Variants in RBFOX1 observed in about 807,000 individuals in gnomAD.
RBFOX1 encodes the protein RNA binding fox-1 homolog 1, also known as RNA binding protein fox-1 homolog 1.
A neutral mutation model predicts 57.7 loss-of-function variants in RBFOX1; 8 were observed. That is an observed-to-expected ratio of 0.14 (90% CI 0.08 to 0.25). RBFOX1 has a LOEUF of 0.25. Among genes scored for constraint, RBFOX1 ranks in the 10% least tolerant of loss-of-function variants. RBFOX1 has a pLI of 1.00. For synonymous variants in RBFOX1, 326 were observed against 222.4 expected, an observed-to-expected ratio of 1.47 and a Z score of -4.15; for missense variants, 611 against 548.5, an observed-to-expected ratio of 1.11 and a Z score of -1.14.
intron 3 of RBFOX1, among the ~76,000 whole-genome samples, chr16:6,946,501 T>G (rs1337868558): frequency 6.6e-6 from 1 of 152,172 alleles, no homozygotes; most frequent in Non-Finnish European, 1.5e-5. Context: ...TTCTCCTCCT[T>G]GTTTTACATC....
At chr16:5,848,668 A>C (rs1287795855) in intron 3 of RBFOX1, among the ~76,000 whole-genome samples, 1 of 152,174 alleles carries the variant, frequency 6.6e-6, no homozygotes, top group Non-Finnish European at 1.5e-5. Flanking sequence ...CAGCTTATTA[A>C]ATAAGCAGGG....
At chr16:6,638,241 C>G (rs1411037706) in intron 2 of RBFOX1, among the ~76,000 whole-genome samples, 1 of 152,078 alleles carries the variant, frequency 6.6e-6, no homozygotes, top group African/African-American at 2.4e-5. Flanking sequence ...AAAAACCAGA[C>G]AAATGTAATT....
intron 2 of RBFOX1, among the ~76,000 whole-genome samples, chr16:5,489,472 A>T (rs760147641): frequency 2.4e-4 from 36 of 152,334 alleles, no homozygotes; most frequent in Non-Finnish European, 5.0e-4. Context: ...AAGTTCATCT[A>T]TTAGCCCTTC....
chr16:6,797,751 A>T (rs757920667), intron 3 of RBFOX1, among the ~76,000 whole-genome samples: 1 of 152,146 alleles, frequency 6.6e-6, no homozygotes, highest in Non-Finnish European at 1.5e-5. Context: ...CTTGGGGTCC[A>T]TTATACCTGG....
intron 1 of RBFOX1, among the ~76,000 whole-genome samples, chr16:5,286,908 C>T (rs923895940): frequency 6.6e-6 from 1 of 152,176 alleles, no homozygotes; most frequent in African/African-American, 2.4e-5. Context: ...CTATAGTTTG[C>T]CAACCCTGTT....
At chr16:5,612,496 C>G (rs1322326188) in intron 3 of RBFOX1, among the ~76,000 whole-genome samples, 1 of 152,352 alleles carries the variant, frequency 6.6e-6, no homozygotes, top group Admixed American at 6.5e-5. Flanking sequence ...AAAAGTATAT[C>G]TACAAATGAA....
chr16:6,942,350 T>C (rs9923573), intron 3 of RBFOX1, among the ~76,000 whole-genome samples: 1 of 151,948 alleles, frequency 6.6e-6, no homozygotes, highest in Non-Finnish European at 1.5e-5. Flanking sequence ...TGATTTTTTT[T>C]TGTGACATTT....
At chr16:7,504,722 T>A in intron 4 of RBFOX1, among the ~76,000 whole-genome samples, 1 of 5,414 alleles carries the variant, frequency 1.8e-4, no homozygotes, top group East Asian at 2.5e-3. Context: ...TATATATATA[T>A]ATATATATAT....
chr16:6,518,799 CT>C (rs2096440184), intron 2 of RBFOX1, among the ~76,000 whole-genome samples: 1 of 67,542 alleles, frequency 1.5e-5, no homozygotes, highest in Non-Finnish European at 3.0e-5. Flanking sequence ...GTGTGTCTGT[CT>C]ATCTATCTAT....
chr16:5,677,873 A>G (rs1408219144), intron 3 of RBFOX1, among the ~76,000 whole-genome samples: 10 of 152,160 alleles, frequency 6.6e-5, no homozygotes. Flanking sequence ...AGGGGTGCAA[A>G]GAGAGATGAA....
chr16:5,646,387 C>A (rs114145987), intron 3 of RBFOX1, among the ~76,000 whole-genome samples: 5,851 of 152,096 alleles, frequency 0.038, 377 homozygotes, highest in African/African-American at 0.13. Flanking sequence ...AGTCCTCCTA[C>A]CTCGGCCTCC....
intron 3 of RBFOX1, among the ~76,000 whole-genome samples, chr16:5,717,214 TATG>T (rs1049176621): frequency 2.6e-5 from 4 of 152,164 alleles, no homozygotes; most frequent in African/African-American, 9.7e-5. Context: ...AATTTCTTAT[TATG>T]GTTGTTTTCA....
At chr16:6,735,551 C>T (rs2069976928) in intron 3 of RBFOX1, among the ~76,000 whole-genome samples, 1 of 152,290 alleles carries the variant, frequency 6.6e-6, no homozygotes, top group African/African-American at 2.4e-5. Context: ...TTAACTATTT[C>T]TCGTCCCCAT....
At chr16:7,313,708 C>T (rs1409055082) in intron 4 of RBFOX1, among the ~76,000 whole-genome samples, 1 of 62,250 alleles carries the variant, frequency 1.6e-5, no homozygotes, top group Admixed American at 2.0e-4. Context: ...ATTTAATCCC[C>T]CACAAAAAAA....
intron 4 of RBFOX1, among the ~76,000 whole-genome samples, chr16:5,877,893 C>T (rs140239056): frequency 3.4e-4 from 51 of 152,214 alleles, no homozygotes; most frequent in African/African-American, 1.2e-3. Flanking sequence ...CTCTGGTGGG[C>T]GTGTCTTATG....
At chr16:5,858,508 T>A (rs901956503) in intron 3 of RBFOX1, among the ~76,000 whole-genome samples, 4 of 152,180 alleles carry the variant, frequency 2.6e-5, no homozygotes, top group African/African-American at 9.6e-5. Flanking sequence ...TGACTTTTTC[T>A]TTCCTCTCTT....
intron 3 of RBFOX1, among the ~76,000 whole-genome samples, chr16:6,820,777 T>G (rs7192093): frequency 6.6e-6 from 1 of 152,212 alleles, no homozygotes; most frequent in East Asian, 1.9e-4. Flanking sequence ...CAGAGACTTA[T>G]TACTGCAAAA....
intron 14 of RBFOX1, among the ~76,000 whole-genome samples, chr16:7,688,722 C>CTCT (rs1368240190): frequency 6.6e-5 from 10 of 152,050 alleles, no homozygotes; most frequent in African/African-American, 2.4e-4. Flanking sequence ...TCTATAAAAC[C>CTCT]ATCTTAAAAG....
downstream of RBFOX1, chr16:5,601,694 C>T (rs2047370166): frequency 6.6e-6 from 1 of 152,206 alleles, no homozygotes; most frequent in Admixed American, 6.5e-5. Flanking sequence ...ATACTAAACA[C>T]ATTTTGCAGA....
Sources: gnomAD v4.1 joint callset for allele counts (sites outside exome capture counted in the v4.1 genomes callset) on GRCh38, gnomAD v4.1.1 for gene constraint, MANE v1.5 for transcripts, NCBI Gene and HGNC (gene_info 2026-07-23, HGNC 2026-07-21) for gene names.